GRID2: variants seen among roughly 807,000 people sequenced by gnomAD.
GRID2 encodes glutamate ionotropic receptor delta type subunit 2.
In GRID2, 33 loss-of-function variants were observed where a neutral mutation model predicts 114.8. The ratio of observed to expected loss-of-function variants is 0.29; its 90% CI spans 0.22 to 0.38. The LOEUF (loss-of-function observed/expected upper bound fraction) is 0.38, where lower values mean the gene tolerates loss of function less well. Ranked by LOEUF, GRID2 falls within the 10% of genes least tolerant of loss-of-function variation. The pLI, the probability that GRID2 is intolerant of heterozygous loss-of-function variation, is 1.00. For missense variants in GRID2, 1,184 were observed against 1,257.7 expected, an observed-to-expected ratio of 0.94 and a Z score of 0.89; for synonymous variants, 505 against 449.9, an observed-to-expected ratio of 1.12 and a Z score of -1.55.
At chr4:92,660,962 T>A (rs1208539570) in intron 2 of GRID2, among the ~76,000 whole-genome samples, 1 of 151,024 alleles carries the variant, frequency 6.6e-6, no homozygotes, top group Non-Finnish European at 1.5e-5. Context: ...GCTAACCTTT[T>A]TGGAGGCTAC....
chr4:92,753,826 A>G (rs775696238), intron 2 of GRID2, among the ~76,000 whole-genome samples: 1 of 152,212 alleles, frequency 6.6e-6, no homozygotes, highest in Non-Finnish European at 1.5e-5. Flanking sequence ...GAAAACCAAA[A>G]TATGTAAGAT....
chr4:92,793,009 A>G (rs1739669969), intron 2 of GRID2, among the ~76,000 whole-genome samples: 4 of 150,834 alleles, frequency 2.7e-5, no homozygotes, highest in Admixed American at 2.0e-4. Flanking sequence ...CTTCTTAGAT[A>G]TTCCAGAATC....
intron 14 of GRID2, among the ~76,000 whole-genome samples, chr4:93,753,196 T>C (rs1732475366): frequency 6.6e-6 from 1 of 152,172 alleles, no homozygotes; most frequent in Non-Finnish European, 1.5e-5. Flanking sequence ...TTAAAAAATA[T>C]TTATTTAGAA....
At chr4:93,527,198 G>A (rs751085344) in intron 13 of GRID2, among the ~76,000 whole-genome samples, 1 of 152,016 alleles carries the variant, frequency 6.6e-6, no homozygotes, top group Non-Finnish European at 1.5e-5. Context: ...ATATCTTTCT[G>A]TTTTTATGTT....
At position 93,518,379 on chromosome 4, in the gene GRID2, A is replaced by AT. The variant is rs539079195; in HGVS notation, c.2193+2977dup. On this transcript the variant is annotated intron_variant, in intron 13 of 15. Transcript: ENST00000282020. Reference sequence around the variant, plus strand: ...AAACTACCCTAAGTAAACTAGACAAATTTTTTTTTCTGCCTTGCTTTAACC... The same window carrying AT: ...AAACTACCCTAAGTAAACTAGACAAATTTTTTTTTTCTGCCTTGCTTTAACC... Among the ~76,000 whole-genome samples, 14 of 151,540 alleles carry AT rather than the reference A, an allele frequency of 9.2e-5. No individual in the cohort carries two copies. In the South Asian group the frequency reaches 2.3e-3, roughly 25 times the overall value.
chr4:93,124,667 AT>A (rs1734114706), intron 4 of GRID2, among the ~76,000 whole-genome samples: 1 of 152,146 alleles, frequency 6.6e-6, no homozygotes, highest in South Asian at 2.1e-4. Flanking sequence ...AGAGAACCAG[AT>A]TTTACGGTAA....
intron 2 of GRID2, among the ~76,000 whole-genome samples, chr4:93,037,597 C>T (rs796209270): frequency 2.0e-4 from 31 of 152,160 alleles, no homozygotes; most frequent in African/African-American, 6.0e-4. Context: ...TCTTTAATCT[C>T]TCTTGAGTTA....
intron 2 of GRID2, among the ~76,000 whole-genome samples, chr4:92,816,626 T>C (rs751710055): frequency 1.1e-4 from 17 of 152,098 alleles, no homozygotes; most frequent in Non-Finnish European, 2.1e-4. Context: ...TTCTAAGAAA[T>C]GATGCGTAAA....
chr4:92,984,321 G>A (rs1318748648), intron 2 of GRID2, among the ~76,000 whole-genome samples: 1 of 152,216 alleles, frequency 6.6e-6, no homozygotes, highest in Non-Finnish European at 1.5e-5. Flanking sequence ...TCACTAACGT[G>A]ACCTCCTCAC....
At chr4:92,845,828 G>T (rs1743275017) in intron 2 of GRID2, among the ~76,000 whole-genome samples, 1 of 152,070 alleles carries the variant, frequency 6.6e-6, no homozygotes, top group Non-Finnish European at 1.5e-5. Flanking sequence ...TTGCTCTAGT[G>T]TGTAGTAATT....
At chr4:92,326,842 C>T (rs1726621420) in intron 1 of GRID2, among the ~76,000 whole-genome samples, 1 of 151,924 alleles carries the variant, frequency 6.6e-6, no homozygotes, top group Non-Finnish European at 1.5e-5. Context: ...GCTTATTTGT[C>T]CCCTTATTAA....
chr4:93,747,530 T>G (rs1031290540), intron 14 of GRID2, among the ~76,000 whole-genome samples: 4 of 152,186 alleles, frequency 2.6e-5, no homozygotes, highest in Non-Finnish European at 5.9e-5. Context: ...AATTGTTCAA[T>G]ACTTATTTGT....
At chr4:93,285,288 G>T (rs1409099346) in intron 8 of GRID2, among the ~76,000 whole-genome samples, 1 of 151,966 alleles carries the variant, frequency 6.6e-6, no homozygotes, top group Non-Finnish European at 1.5e-5. Flanking sequence ...TAGAATTCAA[G>T]TTTGAGAAAC....
intron 2 of GRID2, among the ~76,000 whole-genome samples, chr4:92,995,439 T>C (rs1755142744): frequency 6.6e-6 from 1 of 152,194 alleles, no homozygotes; most frequent in Admixed American, 6.5e-5. Context: ...ATTTTTACTA[T>C]TTGAAACCCA....
intron 2 of GRID2, among the ~76,000 whole-genome samples, chr4:92,773,453 G>T (rs535219020): frequency 2.2e-4 from 34 of 152,202 alleles, no homozygotes; most frequent in African/African-American, 7.5e-4. Context: ...ATGATAAACA[G>T]CTCTATAAAC....
At chr4:92,307,919 A>G (rs371584136) in intron 1 of GRID2, among the ~76,000 whole-genome samples, 3 of 152,200 alleles carry the variant, frequency 2.0e-5, no homozygotes, top group Non-Finnish European at 2.9e-5. Context: ...GAGTAATTTC[A>G]TCAGACCCAC....
chr4:92,560,794 C>A (rs1322800380), intron 1 of GRID2, among the ~76,000 whole-genome samples: 6 of 152,066 alleles, frequency 3.9e-5, no homozygotes, highest in Non-Finnish European at 1.5e-5. Flanking sequence ...GCAACCTCCA[C>A]CTCCCGGGTA....
At chr4:93,697,786 G>C (rs115921150) in intron 14 of GRID2, among the ~76,000 whole-genome samples, 6,217 of 148,006 alleles carry the variant, frequency 0.042, 207 homozygotes, top group African/African-American at 0.083. Flanking sequence ...TAAAAGAATA[G>C]ATTTGAAATA....
At chr4:92,459,264 A>G (rs1299441597) in intron 1 of GRID2, among the ~76,000 whole-genome samples, 1 of 152,226 alleles carries the variant, frequency 6.6e-6, no homozygotes, top group South Asian at 2.1e-4. Flanking sequence ...TGTAAGTCAT[A>G]TAATTGTTAT....
Sources: gnomAD v4.1 joint callset for allele counts (sites outside exome capture counted in the v4.1 genomes callset) on GRCh38, gnomAD v4.1.1 for gene constraint, MANE v1.5 for transcripts, NCBI Gene and HGNC (gene_info 2026-07-23, HGNC 2026-07-21) for gene names.